DLG2: variants seen among roughly 807,000 people sequenced by gnomAD.
DLG2 encodes the protein disks large homolog 2.
Under a neutral mutation model 132.5 loss-of-function variants are expected in DLG2, and 45 were observed. The ratio of observed to expected loss-of-function variants is 0.34; its 90% confidence interval spans 0.27 to 0.44. The LOEUF (loss-of-function observed/expected upper bound fraction) is 0.44, where lower values mean the gene tolerates loss of function less well. DLG2 is among the 20% of genes least tolerant of loss of function. DLG2 has a pLI of 1.00. For synonymous variants in DLG2, 424 were observed against 419.6 expected (o/e 1.01, Z -0.13); for missense variants, 1,045 against 1,196.9 (o/e 0.87, Z 1.87).
intron 8 of DLG2, among the ~76,000 whole-genome samples, chr11:84,168,818 CACACACAT>C (rs1217659537): frequency 1.1e-5 from 1 of 93,898 alleles, no homozygotes; most frequent in Non-Finnish European, 2.3e-5. Context: ...TCAACACACA[CACACACAT>C]ACACACACAC....
At chr11:84,407,900 T>C (rs578079657) in intron 7 of DLG2, among the ~76,000 whole-genome samples, 1 of 152,284 alleles carries the variant, frequency 6.6e-6, no homozygotes, top group Admixed American at 6.5e-5. Flanking sequence ...TTAGAGTGTA[T>C]TGCAAAACAA....
intron 18 of DLG2, among the ~76,000 whole-genome samples, chr11:83,670,382 A>G (rs2076632131): frequency 2.1e-5 from 1 of 48,520 alleles, no homozygotes; most frequent in Non-Finnish European, 3.9e-5. Flanking sequence ...GGACATACAG[A>G]AAAAAAAAAC....
intron 6 of DLG2, among the ~76,000 whole-genome samples, chr11:85,059,844 T>C (rs1012902435): frequency 2.6e-5 from 4 of 151,714 alleles, no homozygotes; most frequent in Non-Finnish European, 4.4e-5. Context: ...CATCAAGCTA[T>C]GCACCCTGTG....
chr11:83,735,723 C>T (rs988956811), intron 18 of DLG2, among the ~76,000 whole-genome samples: 2 of 152,180 alleles, frequency 1.3e-5, no homozygotes, highest in Non-Finnish European at 2.9e-5. Context: ...TTCTAACCAG[C>T]GGTTCTGTTT....
intron 6 of DLG2, among the ~76,000 whole-genome samples, chr11:84,874,473 TAA>T (rs2086004252): frequency 1.3e-5 from 2 of 152,058 alleles, no homozygotes; most frequent in African/African-American, 4.8e-5. Context: ...TGGCAGGGGG[TAA>T]TCACCCAGCA....
intron 3 of DLG2, among the ~76,000 whole-genome samples, chr11:85,426,845 T>C (rs1447867541): frequency 6.6e-6 from 1 of 151,818 alleles, no homozygotes; most frequent in Non-Finnish European, 1.5e-5. Context: ...AAGGAGGAAG[T>C]TCAAACCCAT....
chr11:83,614,297 T>C (rs185198386), intron 19 of DLG2, among the ~76,000 whole-genome samples: 7 of 152,342 alleles, frequency 4.6e-5, no homozygotes, highest in Admixed American at 2.6e-4. Context: ...GTAAAACGAA[T>C]GAATGAAAAA....
At position 85,529,053 on chromosome 11, in the gene DLG2, A is replaced by G. The variant is rs146577478; in HGVS notation, c.40+69604T>C. 1.8e-3 allele frequency among the ~76,000 whole-genome samples: 270 copies of G among 152,372 alleles called. 1 individual carries two copies. Among genetic ancestry groups the G allele is most frequent in the African/African-American group, 6.3e-3 (262 of 41,588 alleles). Reference sequence around the variant, plus strand: ...CTACATTATTAATCTCACAAGCATAATGTCAAGAAAAAGACGAATCTACGT... The same window carrying G: ...CTACATTATTAATCTCACAAGCATAGTGTCAAGAAAAAGACGAATCTACGT... On this transcript the variant is annotated intron_variant, in intron 3 of 27. Transcript: ENST00000376104.
At chr11:85,502,071 T>C (rs1168122467) in intron 3 of DLG2, among the ~76,000 whole-genome samples, 2 of 152,176 alleles carry the variant, frequency 1.3e-5, no homozygotes, top group Non-Finnish European at 2.9e-5. Flanking sequence ...ATATACTCCA[T>C]GGAATACTAT....
At chr11:85,403,250 C>G (rs888293898) in intron 3 of DLG2, among the ~76,000 whole-genome samples, 2 of 151,976 alleles carry the variant, frequency 1.3e-5, no homozygotes, top group African/African-American at 4.8e-5. Flanking sequence ...GGACAGAAAA[C>G]CAAACACCGC....
chr11:83,784,821 C>G (rs917804497), intron 18 of DLG2, among the ~76,000 whole-genome samples: 2 of 152,096 alleles, frequency 1.3e-5, no homozygotes, highest in Admixed American at 1.3e-4. Context: ...ATCTATGATT[C>G]TAACCATCTT....
chr11:84,487,227 A>C (rs2099153355), intron 7 of DLG2, among the ~76,000 whole-genome samples: 1 of 152,178 alleles, frequency 6.6e-6, no homozygotes, highest in African/African-American at 2.4e-5. Flanking sequence ...GGTTCTAAAT[A>C]TATGAGTACC....
intron 7 of DLG2, among the ~76,000 whole-genome samples, chr11:84,458,672 A>G (rs982289523): frequency 6.6e-6 from 1 of 150,786 alleles, no homozygotes; most frequent in Non-Finnish European, 1.5e-5. Flanking sequence ...TAAACATAGT[A>G]TTTTGAAGTT....
chr11:83,624,719 C>A (rs2062197490), intron 19 of DLG2, among the ~76,000 whole-genome samples: 1 of 152,192 alleles, frequency 6.6e-6, no homozygotes, highest in Non-Finnish European at 1.5e-5. Flanking sequence ...ATGTGACACT[C>A]AAGTTTTAGC....
At chr11:84,628,310 A>C (rs2099626195) in intron 6 of DLG2, among the ~76,000 whole-genome samples, 1 of 152,138 alleles carries the variant, frequency 6.6e-6, no homozygotes, top group South Asian at 2.1e-4. Context: ...TGGTTAGTCC[A>C]AGCTCTACAT....
intron 8 of DLG2, among the ~76,000 whole-genome samples, chr11:84,171,815 C>T (rs2095830342): frequency 6.6e-6 from 1 of 152,084 alleles, no homozygotes; most frequent in Non-Finnish European, 1.5e-5. Flanking sequence ...GTGAGTCATT[C>T]CACCAGAATG....
intron 4 of DLG2, among the ~76,000 whole-genome samples, chr11:85,191,162 G>GCGCGCACACA (rs34410192): frequency 5.7e-5 from 8 of 139,920 alleles, no homozygotes; most frequent in African/African-American, 1.9e-4. Flanking sequence ...GCGCACGCGC[G>GCGCGCACACA]CACACACACA....
intron 4 of DLG2, among the ~76,000 whole-genome samples, chr11:85,243,064 T>G (rs1269304171): frequency 6.6e-6 from 1 of 151,962 alleles, no homozygotes; most frequent in East Asian, 1.9e-4. Flanking sequence ...AACTGTTTTT[T>G]CTTTTAATTT....
chr11:85,275,646 T>C (rs496814), intron 4 of DLG2, among the ~76,000 whole-genome samples: 132,455 of 152,052 alleles, frequency 0.87, 58,150 homozygotes, highest in Non-Finnish European at 0.93. Flanking sequence ...TTTTAAATAT[T>C]CTGCCCTGTA....
Sources: allele counts gnomAD v4.1 joint callset (sites outside exome capture counted in the v4.1 genomes callset), GRCh38; gene constraint gnomAD v4.1.1; transcripts MANE v1.5; gene names NCBI Gene and HGNC (gene_info 2026-07-23, HGNC 2026-07-21).